ABCA13: variants seen among roughly 807,000 people sequenced by gnomAD.
ABCA13 encodes ATP binding cassette subfamily A member 13.
In ABCA13, 476 loss-of-function variants were observed where a neutral mutation model predicts 478.7. The ratio of observed to expected loss-of-function variants is 0.99; its 90% CI spans 0.92 to 1.07. The LOEUF is 1.07. ABCA13 is among the 50% of genes least tolerant of loss of function. The pLI is 0.00. For synonymous variants in ABCA13, 2,252 were observed against 2,158.9 expected, an observed-to-expected ratio of 1.04 and a Z score of -1.20; for missense variants, 6,060 against 5,910.6, an observed-to-expected ratio of 1.03 and a Z score of -0.83.
intron 23 of ABCA13, among the ~76,000 whole-genome samples, 155 bp from the exon 24 acceptor site, chr7:48,309,792 G>A (rs1377539299): frequency 6.6e-6 from 1 of 152,158 alleles, no homozygotes; most frequent in Non-Finnish European, 1.5e-5. Flanking sequence ...GTTGAGAATC[G>A]AACCCCAGTT....
intron 1 of ABCA13, among the ~76,000 whole-genome samples, chr7:48,176,009 G>A (rs36158803): frequency 0.12 from 18,200 of 152,192 alleles, 1,260 homozygotes; most frequent in Admixed American, 0.22. Flanking sequence ...GAGCAGCTGA[G>A]CCTGTAGCCT....
intron 1 of ABCA13, among the ~76,000 whole-genome samples, chr7:48,174,316 T>G (rs1373228795): frequency 6.6e-6 from 1 of 152,202 alleles, no homozygotes; most frequent in Non-Finnish European, 1.5e-5. Flanking sequence ...TTTTTTAAAT[T>G]GATGCATAAT....
At chr7:48,351,153 G>A (rs1808915245) in intron 30 of ABCA13, among the ~76,000 whole-genome samples, 1 of 152,062 alleles carries the variant, frequency 6.6e-6, no homozygotes, top group Non-Finnish European at 1.5e-5. Context: ...TATTATTCCC[G>A]ATTAAAGTTA....
At chr7:48,421,503 A>AGTGGG (rs1820737068) in intron 41 of ABCA13, among the ~76,000 whole-genome samples, 1 of 152,198 alleles carries the variant, frequency 6.6e-6, no homozygotes, top group Non-Finnish European at 1.5e-5. Context: ...ATGTCATACC[A>AGTGGG]AGTTGAGCCA....
intron 59 of ABCA13, among the ~76,000 whole-genome samples, chr7:48,627,907 A>G (rs1793814398): frequency 6.6e-6 from 1 of 152,178 alleles, no homozygotes; most frequent in African/African-American, 2.4e-5. Context: ...AAGTTCCCTG[A>G]GAACTAACCC....
intron 6 of ABCA13, among the ~76,000 whole-genome samples, chr7:48,228,611 G>A (rs1788599703): frequency 6.6e-6 from 1 of 152,142 alleles, no homozygotes; most frequent in Admixed American, 6.5e-5. Flanking sequence ...CTGAAGGTTG[G>A]GGCCAGGGAC....
rs954159818 is a variant in ABCA13, at chr7:48,310,235, G to T, written c.9516+94G>T. On this transcript the variant is annotated intron_variant, in intron 24 of 61. Coordinates refer to ENST00000435803, the MANE Select transcript of ABCA13 (RefSeq NM_152701.5). Reference sequence around the variant, plus strand: ...AGTAGTCCTAGGGGTGCGGCAGTGGGAGATCAGCACCTGGCCACTCTGCAG... The same window carrying T: ...AGTAGTCCTAGGGGTGCGGCAGTGGTAGATCAGCACCTGGCCACTCTGCAG... The T allele has an allele frequency of 3.6e-6, 5 of 1,377,230 alleles. No individual in the cohort carries two copies. In the African/African-American group the frequency reaches 7.2e-5, roughly 20 times the overall value. The allele number at this position is 1,377,230 out of a possible 1,614,324, so 85.3% of individuals were successfully genotyped here.
At chr7:48,227,883 G>A (rs182813429) in intron 6 of ABCA13, among the ~76,000 whole-genome samples, 214 of 152,256 alleles carry the variant, frequency 1.4e-3, no homozygotes, top group Middle Eastern at 0.014. Context: ...GCCCAGTATA[G>A]CATTCAGAAC....
chr7:48,219,902 AC>A (rs1787114689), intron 4 of ABCA13, among the ~76,000 whole-genome samples: 1 of 148,692 alleles, frequency 6.7e-6, no homozygotes, highest in Non-Finnish European at 1.5e-5. Flanking sequence ...ACACACACAC[AC>A]ACACACACAC....
chr7:48,456,423 C>T lies in ABCA13; in HGVS notation c.12815+1137C>T, dbSNP rs58696277. Among the ~76,000 whole-genome samples, 155 of 152,260 alleles carry T rather than the reference C, an allele frequency of 1.0e-3. 2 individuals are homozygous for T. In the East Asian group the frequency reaches 0.027, roughly 26 times the overall value. On this transcript the variant is annotated intron_variant, in intron 43 of 61. Coordinates refer to ENST00000435803, the MANE Select transcript of ABCA13 (RefSeq NM_152701.5). ...TAAAAGGGCTATCACTATTTTGAGTCTTTTGATTATAAAATATGTTTCTTG... is the reference window on the plus strand; with the variant it reads ...TAAAAGGGCTATCACTATTTTGAGTTTTTTGATTATAAAATATGTTTCTTG...
chr7:48,390,621 C>T (rs1008215021), intron 37 of ABCA13, among the ~76,000 whole-genome samples: 1 of 152,208 alleles, frequency 6.6e-6, no homozygotes, highest in Non-Finnish European at 1.5e-5. Context: ...TCCTTTGACC[C>T]TGGCCTTCAT....
chr7:48,227,944 C>A (rs1410069329), intron 6 of ABCA13, among the ~76,000 whole-genome samples: 1 of 152,192 alleles, frequency 6.6e-6, no homozygotes, highest in East Asian at 1.9e-4. Flanking sequence ...GGACGTTGGT[C>A]TCCTATGCTG....
intron 18 of ABCA13, among the ~76,000 whole-genome samples, chr7:48,280,636 T>C (rs1796911885): frequency 6.6e-6 from 1 of 151,976 alleles, no homozygotes; most frequent in African/African-American, 2.4e-5. Context: ...TGCTTTCCTC[T>C]CTGGCCCACA....
In ABCA13 at chr7:48,272,159, T is replaced by A. The variant is rs775874109; in HGVS notation, c.2493T>A (p.Asn831Lys). The change falls in exon 17 of 62, where the codon AAT (asparagine) becomes AAA (lysine). Residue 831 changes from asparagine to lysine, a missense_variant. Asn to Lys is a moderately conservative substitution (Grantham distance 94, BLOSUM62 0). Around this residue, in one of 3 missense-constraint regions of ABCA13, gnomAD observed 4,423 missense variants for 4,309.1 expected, o/e 1.03. Coordinates refer to ENST00000435803, the MANE Select transcript of ABCA13 (RefSeq NM_152701.5). Reference protein sequence around the residue: ...RFIELILFEINPKLLELWAYG... With the variant: ...RFIELILFEIKPKLLELWAYG... ...TAGAATTAATACTTTTTGAAATTAA[T>A]CCCAAATTACTAGAATTATGGGCCT... 3 of 1,612,936 alleles carry A rather than the reference T, an allele frequency of 1.9e-6. No individual in the cohort carries two copies. Among genetic ancestry groups the A allele is most frequent in the South Asian group, 1.1e-5 (1 of 90,966 alleles).
At chr7:48,333,119 G>A (rs1336410814) in intron 27 of ABCA13, among the ~76,000 whole-genome samples, 5 of 152,086 alleles carry the variant, frequency 3.3e-5, no homozygotes, top group Non-Finnish European at 4.4e-5. Flanking sequence ...TTGAGGCTCT[G>A]TTCACTTTCC....
chr7:48,497,840 G>A (rs1244520107), intron 48 of ABCA13, among the ~76,000 whole-genome samples: 1 of 152,190 alleles, frequency 6.6e-6, no homozygotes, highest in Non-Finnish European at 1.5e-5. Flanking sequence ...CACTTTGAAA[G>A]TATTCTTTAG....
intron 55 of ABCA13, among the ~76,000 whole-genome samples, chr7:48,571,987 G>GCCCAA (rs907320095): frequency 6.6e-5 from 10 of 152,240 alleles, no homozygotes; most frequent in Admixed American, 6.5e-4. Flanking sequence ...ACAGCAGCCT[G>GCCCAA]CCCAACGTGG....
rs759626375 is a variant in ABCA13 at position 48,239,324 on chromosome 7, C to T, written c.981C>T (p.His327=). The change falls in exon 9 of 62, where the codon CAC becomes CAT. Residue 327 remains histidine (H), a synonymous_variant. Transcript: ENST00000435803. ...TSEDEAEKWG[H]VGGCHPKWSE... ...AGGATGAAGCTGAGAAATGGGGCCA[C>T]GTTGGAGGCTGCCACCCTAAGTGGT... 2.6e-5 allele frequency: 42 copies of T among 1,613,836 alleles called. No individual in the cohort carries two copies. Among genetic ancestry groups the T allele is most frequent in the South Asian group, 2.0e-4 (18 of 91,078 alleles).
intron 39 of ABCA13, chr7:48,404,213 T>C (rs902786326): frequency 3.1e-6 from 1 of 320,154 alleles, no homozygotes; most frequent in Non-Finnish European, 6.2e-6. Flanking sequence ...AGGACAAGCC[T>C]CCCTTGTCTC....
Sources: gnomAD v4.1 joint callset for allele counts (sites outside exome capture counted in the v4.1 genomes callset) on GRCh38, gnomAD v4.1.1 for gene constraint, gnomAD v4.1.1 regional missense constraint, MANE v1.5 for transcripts, NCBI Gene and HGNC (gene_info 2026-07-23, HGNC 2026-07-21) for gene names.